Variants in TAFA2 observed in about 807,000 individuals in gnomAD.
The protein encoded by TAFA2 is chemokine-like protein TAFA-2.
Under a neutral mutation model 18.8 loss-of-function variants are expected in TAFA2, and 7 were observed. The observed-to-expected ratio is 0.37, with a 90% CI of 0.21 to 0.70. TAFA2 has a LOEUF of 0.70. TAFA2 is among the 30% of genes least tolerant of loss of function. The probability of loss-of-function intolerance (pLI) is 0.53; values close to 1 mark genes in which losing one functional copy is unlikely to be tolerated. For synonymous variants in TAFA2, 60 were observed against 54.2 expected, an observed-to-expected ratio of 1.11 and a Z score of -0.47; for missense variants, 122 against 158.1, an observed-to-expected ratio of 0.77 and a Z score of 1.23.
intron 1 of TAFA2, among the ~76,000 whole-genome samples, chr12:61,982,726 T>G (rs1015956971): frequency 2.6e-5 from 4 of 152,052 alleles, no homozygotes; most frequent in African/African-American, 9.7e-5. Flanking sequence ...AAGATCATCC[T>G]CAAACATATT....
intron 1 of TAFA2, among the ~76,000 whole-genome samples, chr12:62,251,385 C>G (rs1279104803): frequency 1.3e-5 from 2 of 152,048 alleles, no homozygotes; most frequent in Non-Finnish European, 2.9e-5. Context: ...GGGTTACAAA[C>G]AGAATTGAGA....
intron 1 of TAFA2, among the ~76,000 whole-genome samples, chr12:62,017,655 CT>C (rs535446511): frequency 6.2e-4 from 94 of 152,226 alleles, no homozygotes; most frequent in African/African-American, 2.2e-3. Context: ...GACTTTTTCC[CT>C]GAAAAATATA....
intron 1 of TAFA2, among the ~76,000 whole-genome samples, chr12:62,118,784 CTATT>C (rs1304469536): frequency 2.0e-5 from 3 of 151,994 alleles, no homozygotes; most frequent in Non-Finnish European, 2.9e-5. Context: ...TCTTCTGTGT[CTATT>C]TATAACTTTT....
chr12:62,191,013 C>G (rs1440950598), intron 1 of TAFA2, among the ~76,000 whole-genome samples: 3 of 152,114 alleles, frequency 2.0e-5, no homozygotes, highest in Non-Finnish European at 4.4e-5. Context: ...ATTTCGCATG[C>G]TCCGATCCCC....
At chr12:61,746,084 A>G (rs1052880568) in intron 4 of TAFA2, among the ~76,000 whole-genome samples, 2 of 152,066 alleles carry the variant, frequency 1.3e-5, no homozygotes, top group Non-Finnish European at 1.5e-5. Context: ...CTCACCTTGA[A>G]TTGTAATCCC....
At chr12:61,987,689 T>C (rs1327332046) in intron 1 of TAFA2, among the ~76,000 whole-genome samples, 1 of 152,172 alleles carries the variant, frequency 6.6e-6, no homozygotes. Flanking sequence ...ACTTAAATTA[T>C]TCAGGCTGCT....
At chr12:61,828,024 T>G (rs1315955573) in intron 2 of TAFA2, among the ~76,000 whole-genome samples, 1 of 151,958 alleles carries the variant, frequency 6.6e-6, no homozygotes. Context: ...TGTGAGAATG[T>G]TTTTGACCTC....
intron 1 of TAFA2, among the ~76,000 whole-genome samples, chr12:61,923,192 G>A (rs755521057): frequency 1.1e-4 from 16 of 152,298 alleles, no homozygotes; most frequent in African/African-American, 2.4e-4. Context: ...CCTGCCTGTC[G>A]GCTCTAAAGA....
At chr12:62,035,043 T>C (rs1881561511) in intron 1 of TAFA2, among the ~76,000 whole-genome samples, 1 of 152,202 alleles carries the variant, frequency 6.6e-6, no homozygotes, top group Admixed American at 6.5e-5. Flanking sequence ...AACTACTGCA[T>C]AGAACTATAT....
intron 1 of TAFA2, among the ~76,000 whole-genome samples, chr12:62,055,815 T>C (rs139178659): frequency 1.8e-4 from 28 of 152,306 alleles, no homozygotes; most frequent in African/African-American, 6.5e-4. Context: ...ATATCTATAA[T>C]AAAAGTATCT....
At chr12:61,731,423 T>C (rs1403232775) in intron 4 of TAFA2, among the ~76,000 whole-genome samples, 2 of 152,116 alleles carry the variant, frequency 1.3e-5, no homozygotes, top group East Asian at 3.9e-4. Context: ...TAGTCCTACC[T>C]CCTATCTGCC....
chr12:62,023,049 G>C (rs2136732857), intron 1 of TAFA2, among the ~76,000 whole-genome samples: 1 of 152,328 alleles, frequency 6.6e-6, no homozygotes, highest in Middle Eastern at 3.4e-3. Context: ...TCTGGTAAGA[G>C]AGAGAAAAAG....
At chr12:61,782,499 C>T (rs1282035133) in intron 2 of TAFA2, among the ~76,000 whole-genome samples, 1 of 151,614 alleles carries the variant, frequency 6.6e-6, no homozygotes, top group Non-Finnish European at 1.5e-5. Flanking sequence ...TTACCTGTAT[C>T]GATTGATGTC....
chr12:61,720,098 C>A (rs1443067576), intron 4 of TAFA2, among the ~76,000 whole-genome samples: 2 of 151,844 alleles, frequency 1.3e-5, no homozygotes, highest in African/African-American at 4.8e-5. Flanking sequence ...TGATAACAAC[C>A]ATCATAGTTC....
In TAFA2 at chr12:61,891,604, T is replaced by A. The variant is rs192296269; in HGVS notation, c.-1-24178A>T. ...CGGAGGTTGCAGTGAGCTGAGATCA[T>A]GCCATTGCACTCCAGCCTGGGCAAC... On this transcript the variant is annotated intron_variant, in intron 1 of 4. Coordinates refer to ENST00000416284, the MANE Select transcript of TAFA2 (RefSeq NM_178539.5). Among the ~76,000 whole-genome samples, 37 of 151,918 alleles carry A rather than the reference T, an allele frequency of 2.4e-4. No homozygotes were observed. The Middle Eastern group carries it at 0.02, about 84-fold the overall frequency.
chr12:62,096,754 G>T (rs1181141058), intron 1 of TAFA2, among the ~76,000 whole-genome samples: 3 of 152,086 alleles, frequency 2.0e-5, no homozygotes, highest in African/African-American at 7.2e-5. Context: ...GGCACAAATG[G>T]CTTAGCTTGT....
intron 1 of TAFA2, among the ~76,000 whole-genome samples, chr12:61,955,419 TG>T (rs1425830832): frequency 1.3e-5 from 2 of 150,746 alleles, no homozygotes; most frequent in African/African-American, 4.9e-5. Flanking sequence ...CTAGCCAACA[TG>T]GTGAAACCCC....
At chr12:61,837,215 T>C (rs1434885257) in intron 2 of TAFA2, among the ~76,000 whole-genome samples, 1 of 151,976 alleles carries the variant, frequency 6.6e-6, no homozygotes, top group Non-Finnish European at 1.5e-5. Flanking sequence ...GAATCAAAAA[T>C]TCTATATGAA....
At chr12:61,843,118 A>T (rs1439898721) in intron 2 of TAFA2, among the ~76,000 whole-genome samples, 1 of 152,180 alleles carries the variant, frequency 6.6e-6, no homozygotes, top group Admixed American at 6.6e-5. Flanking sequence ...AGGCAGGAGA[A>T]TTGAGACAAA....
Sources: gnomAD v4.1 joint callset for allele counts (sites outside exome capture counted in the v4.1 genomes callset) on GRCh38, gnomAD v4.1.1 for gene constraint, MANE v1.5 for transcripts, NCBI Gene and HGNC (gene_info 2026-07-23, HGNC 2026-07-21) for gene names.